GRID2IP: variants seen among roughly 807,000 people sequenced by gnomAD.
GRID2IP encodes the protein delphilin.
In GRID2IP, 78 loss-of-function variants were observed where a neutral mutation model predicts 114.3. That is an observed-to-expected ratio of 0.68 (90% CI 0.57 to 0.82). The LOEUF (loss-of-function observed/expected upper bound fraction) is 0.82, where lower values mean the gene tolerates loss of function less well. Ranked by LOEUF, GRID2IP falls within the 40% of genes least tolerant of loss-of-function variation. GRID2IP has a pLI of 0.00. For missense variants in GRID2IP, 1,727 were observed against 1,678.5 expected (o/e 1.03, Z -0.51); for synonymous variants, 809 against 724.0 (o/e 1.12, Z -1.89).
Position 6,514,518 on chromosome 7 carries a change from G to T in GRID2IP, c.1280C>A (p.Thr427Asn). ...ESFFQHRNIDTLIVDVYPVLD... is the reference protein window; with the variant it reads ...ESFFQHRNIDNLIVDVYPVLD... ...CACAGGGTAGACGTCAACGATGAGG[G>T]TGTCGATGTTCCTGGGGGAAGGTGC... Residue 427 changes from threonine (T) to asparagine (N), a missense_variant, in exon 8 of 22, where the codon ACC becomes AAC. Physicochemically the swap from Thr to Asn is moderately conservative, Grantham distance 65. Transcript: ENST00000457091. 3 of 1,525,018 alleles carry T rather than the reference G, an allele frequency of 2.0e-6. No homozygotes were observed. The highest frequency in any genetic ancestry group is 2.6e-6 in the Non-Finnish European group (3 of 1,133,060). 94.5% of individuals were successfully genotyped at this position (1,525,018 alleles called of 1,614,324 possible). A position where few individuals can be genotyped will look rare whatever the true frequency, so the allele number is the denominator to read the frequency against.
chr7:6,551,461 G>C lies in GRID2IP; in HGVS notation c.-25C>G. The C allele has an allele frequency of 6.5e-7, 1 of 1,531,112 alleles. No individual in the cohort carries two copies. The highest frequency in any genetic ancestry group is 1.4e-5 in the African/African-American group (1 of 71,394). 94.8% of individuals were successfully genotyped at this position (1,531,112 alleles called of 1,614,324 possible). A position where few individuals can be genotyped will look rare whatever the true frequency, so the allele number is the denominator to read the frequency against. On this transcript the variant is annotated 5_prime_UTR_variant, in exon 1 of 22. Transcript: ENST00000457091. Reference sequence around the variant, plus strand: ...TGCACCTAGAACTGGAGACAGAACAGGGATTTCCTTGCTGCTCTGTCCATG... The same window carrying C: ...TGCACCTAGAACTGGAGACAGAACACGGATTTCCTTGCTGCTCTGTCCATG...
At chr7:6,505,460 G>A (rs1036903667) in intron 14 of GRID2IP, among the ~76,000 whole-genome samples, 2 of 149,328 alleles carry the variant, frequency 1.3e-5, no homozygotes, top group African/African-American at 2.5e-5. Flanking sequence ...CTCCACCTCC[G>A]AGGCTCAATC....
rs1786278494 is a variant in GRID2IP at position 6,497,263 on chromosome 7, G to A, written c.*511C>T. On this transcript the variant is annotated 3_prime_UTR_variant, in exon 22 of 22. Coordinates refer to ENST00000457091, the MANE Select transcript of GRID2IP (RefSeq NM_001145118.2). ...CTCTCCCAGGCTTCTCTCTTCCTGT[G>A]TCCCTGAAGCCAGCTTCCAAGGCCC... Among the ~76,000 whole-genome samples the A allele has an allele frequency of 1.3e-5, 2 of 152,166 alleles. No individual in the cohort carries two copies. Among genetic ancestry groups the A allele is most frequent in the Admixed American group, 6.6e-5 (1 of 15,266 alleles).
intron 18 of GRID2IP, among the ~76,000 whole-genome samples, chr7:6,502,394 T>A (rs1786441289): frequency 6.6e-6 from 1 of 152,226 alleles, no homozygotes; most frequent in East Asian, 1.9e-4. Flanking sequence ...GCTAATTATT[T>A]TTGTAGAACT....
At chr7:6,548,113 A>G (rs370297148) in intron 1 of GRID2IP, among the ~76,000 whole-genome samples, 47 of 152,254 alleles carry the variant, frequency 3.1e-4, no homozygotes, top group African/African-American at 1.1e-3. Flanking sequence ...GCACTTTTGG[A>G]AGGCCGAGGT....
At chr7:6,546,193 C>T (rs1408911708) in intron 1 of GRID2IP, among the ~76,000 whole-genome samples, 13 of 151,720 alleles carry the variant, frequency 8.6e-5, no homozygotes, top group Non-Finnish European at 8.8e-5. Context: ...CGCAGTGGCT[C>T]ATGCCTGTAA....
At chr7:6,538,337 G>C (rs1234130890) in intron 2 of GRID2IP, among the ~76,000 whole-genome samples, 2 of 152,112 alleles carry the variant, frequency 1.3e-5, no homozygotes, top group African/African-American at 4.8e-5. Flanking sequence ...CTACCCTCCT[G>C]CCTGGGTGAC....
In GRID2IP at chr7:6,536,905, G is replaced by A. The variant is rs1244405381; in HGVS notation, c.584+2813C>T. The A allele has an allele frequency of 1.1e-5, 7 of 640,324 alleles. No homozygotes were observed. Among genetic ancestry groups the A allele is most frequent in the Admixed American group, 9.6e-5 (4 of 41,628 alleles). 39.7% of individuals were successfully genotyped at this position (640,324 alleles called of 1,614,324 possible). A position where few individuals can be genotyped will look rare whatever the true frequency, so the allele number is the denominator to read the frequency against. ...CTGCAGAGCCGAGAGCTGCGCCGGG[G>A]CTGGGGTGGGCGGGGGGGCGGCGGG... On this transcript the variant is annotated intron_variant, in intron 2 of 21. Coordinates refer to ENST00000457091, the MANE Select transcript of GRID2IP (RefSeq NM_001145118.2). The surrounding 1 kb of genome is among the most constrained non-coding windows in gnomAD (Gnocchi z 5.3).
chr7:6,544,918 A>G (rs1779865338), intron 1 of GRID2IP, among the ~76,000 whole-genome samples: 1 of 151,910 alleles, frequency 6.6e-6, no homozygotes, highest in Non-Finnish European at 1.5e-5. Context: ...CGTCTCTACT[A>G]AAAATAGAAA....
At chr7:6,524,206 G>A (rs1289003042) in intron 4 of GRID2IP, among the ~76,000 whole-genome samples, 2 of 152,148 alleles carry the variant, frequency 1.3e-5, no homozygotes, top group Non-Finnish European at 2.9e-5. Context: ...GACAGGAAAG[G>A]CATGGGATCA....
chr7:6,498,365 C>A (rs1035128736), intron 20 of GRID2IP, 137 bp from the exon 21 acceptor site: 3 of 757,552 alleles, frequency 4.0e-6, no homozygotes, highest in African/African-American at 1.8e-5. Flanking sequence ...CTGTGTCCAA[C>A]AGGGAACCAG....
At chr7:6,530,671 T>C (rs1424727879) in intron 2 of GRID2IP, among the ~76,000 whole-genome samples, 1 of 152,132 alleles carries the variant, frequency 6.6e-6, no homozygotes, top group East Asian at 1.9e-4. Flanking sequence ...AGCACGGCAG[T>C]GGAGAGGTCG....
At position 6,539,794 on chromosome 7, in the gene GRID2IP, G is replaced by A. The variant is rs1354691880; in HGVS notation, c.508C>T (p.Arg170Trp). 1.4e-5 allele frequency: 22 copies of A among 1,550,772 alleles called. No individual in the cohort carries two copies. The highest frequency in any genetic ancestry group is 1.7e-5 in the Non-Finnish European group (19 of 1,146,926). Residue 170 changes from arginine (R) to tryptophan (W), a missense_variant, in exon 2 of 22, where the codon CGG (arginine) becomes TGG (tryptophan). Coordinates refer to ENST00000457091, the MANE Select transcript of GRID2IP (RefSeq NM_001145118.2). ...AALKQFAAEQ[R>W]VDDLVWTLTL... ...AGAGTCCACACCAGATCATCCACCC[G>A]CTGCTCAGCTGCAAACTGCTTCAGT...
intron 8 of GRID2IP, among the ~76,000 whole-genome samples, chr7:6,511,411 T>A (rs1779155407): frequency 6.6e-6 from 1 of 152,096 alleles, no homozygotes. Flanking sequence ...TTGCTCTTGT[T>A]GCCCAGGTGG....
rs1049330740 is a variant in GRID2IP, at chr7:6,536,041, C to T, written c.584+3677G>A. Among the ~76,000 whole-genome samples the T allele has an allele frequency of 1.3e-5, 2 of 152,232 alleles. No individual in the cohort carries two copies. Among genetic ancestry groups the T allele is most frequent in the South Asian group, 2.1e-4 (1 of 4,832 alleles). On this transcript the variant is annotated intron_variant, in intron 2 of 21. Transcript: ENST00000457091. The surrounding 1 kb of genome is among the most constrained non-coding windows in gnomAD (Gnocchi z 5.3). ...TGGCACCCAACCCTGGGAATCACAGCTGCGTCTGTGGCTTCTCCATGCCCC... is the reference window on the plus strand; with the variant it reads ...TGGCACCCAACCCTGGGAATCACAGTTGCGTCTGTGGCTTCTCCATGCCCC...
Position 6,521,887 on chromosome 7 carries a change from C to A in GRID2IP, c.989+1G>T. ...CCCTGGTGTCCCCAATAGCCTCTGA[C>A]CTCATGTCCAGTCCATTGAGGAAGA... is the stretch of plus-strand genomic sequence containing the variant. On this transcript the variant is annotated splice_donor_variant, in intron 5 of 21. Coordinates refer to ENST00000457091, the MANE Select transcript of GRID2IP (RefSeq NM_001145118.2). LOFTEE classifies it high-confidence loss of function. The surrounding 1 kb of genome is among the most constrained non-coding windows in gnomAD (Gnocchi z 4.1). The A allele has an allele frequency of 6.4e-7, 1 of 1,550,612 alleles. No individual in the cohort carries two copies. Among genetic ancestry groups the A allele is most frequent in the Non-Finnish European group, 8.7e-7 (1 of 1,146,022 alleles).
chr7:6,544,593 G>A (rs371162465), intron 1 of GRID2IP, among the ~76,000 whole-genome samples: 4 of 151,942 alleles, frequency 2.6e-5, no homozygotes, highest in Non-Finnish European at 4.4e-5. Context: ...ATGGTTTTCA[G>A]TATATCTACT....
intron 2 of GRID2IP, among the ~76,000 whole-genome samples, chr7:6,535,424 CCTT>C (rs1779708632): frequency 1.3e-5 from 2 of 152,376 alleles, no homozygotes; most frequent in South Asian, 4.1e-4. Context: ...TCTCCCCAAG[CCTT>C]CTATTTTGGC....
Position 6,507,920 on chromosome 7 carries a change from T to A in GRID2IP, c.2544+65A>T. ...AAGATGCCTGGCCGATGGGTTTTCC[T>A]TCAGTGCTGCTGCCCAAGCCATCCT... On this transcript the variant is annotated intron_variant, in intron 13 of 21. Transcript: ENST00000457091. This position sits in a 1 kb window ranked among gnomAD's most constrained non-coding sequence, Gnocchi z 5.3. The A allele has an allele frequency of 6.5e-7, 1 of 1,533,176 alleles. No homozygotes were observed. The highest frequency in any genetic ancestry group is 1.2e-5 in the South Asian group (1 of 81,454). 95.0% of individuals were successfully genotyped at this position (1,533,176 alleles called of 1,614,324 possible).
Sources: gnomAD v4.1 joint callset for allele counts (sites outside exome capture counted in the v4.1 genomes callset) on GRCh38, gnomAD v4.1.1 for gene constraint, Gnocchi (gnomAD v3.1) non-coding constraint, MANE v1.5 for transcripts, NCBI Gene and HGNC (gene_info 2026-07-23, HGNC 2026-07-21) for gene names.